SRGAP1: variants seen among roughly 807,000 people sequenced by gnomAD.
The protein encoded by SRGAP1 is SLIT-ROBO Rho GTPase-activating protein 1.
In SRGAP1, 43 loss-of-function variants were observed where a neutral mutation model predicts 121.9. The ratio of observed to expected loss-of-function variants is 0.35; its 90% CI spans 0.28 to 0.46. The LOEUF (loss-of-function observed/expected upper bound fraction) is 0.46. Ranked by LOEUF, SRGAP1 falls within the 20% of genes least tolerant of loss-of-function variation. SRGAP1 has a pLI of 1.00. For missense variants in SRGAP1, 1,102 were observed against 1,350.9 expected, an observed-to-expected ratio of 0.82 and a Z score of 2.89; for synonymous variants, 447 against 485.4, an observed-to-expected ratio of 0.92 and a Z score of 1.04.
At position 64,065,123 on chromosome 12, in the gene SRGAP1, C is replaced by CCAGGTCAGTGCCCAGCAG; in HGVS notation, c.1031_1048dup (p.Gln344_Gln349dup). The CCAGGTCAGTGCCCAGCAG allele has an allele frequency of 6.2e-7, 1 of 1,612,146 alleles. No individual in the cohort carries two copies. The highest frequency in any genetic ancestry group is 8.5e-7 in the Non-Finnish European group (1 of 1,179,452). ...GGTTTCTCATTCTCCATCAGGTGTG[C>CCAGGTCAGTGCCCAGCAG]CAGGTCAGTGCCCAGCAGCCAGTCC... On this transcript the variant is annotated inframe_insertion, in exon 8 of 22. Transcript: ENST00000355086.
At chr12:63,905,250 TAAA>T (rs1565944279) in intron 1 of SRGAP1, among the ~76,000 whole-genome samples, 1 of 152,168 alleles carries the variant, frequency 6.6e-6, no homozygotes, top group Non-Finnish European at 1.5e-5. Flanking sequence ...TGTGTTCAGT[TAAA>T]AAACAAAATG....
Position 64,063,077 on chromosome 12 carries a change from T to A in SRGAP1, c.962T>A (p.Met321Lys), listed in dbSNP as rs2035479102. 3 of 1,614,016 alleles carry A rather than the reference T, an allele frequency of 1.9e-6. No homozygotes were observed. Among genetic ancestry groups the A allele is most frequent in the Admixed American group, 3.3e-5 (2 of 59,996 alleles). ...PRSDKQRFME[M>K]YPAAFCPPMK... ...AGCGATAAGCAGAGATTCATGGAGA[T>A]GTACCCTGCTGCGTTCTGTCCACCA... The change falls in exon 7 of 22, where the codon ATG (methionine) becomes AAG (lysine). Residue 321 changes from methionine to lysine, a missense_variant. Coordinates refer to ENST00000355086, the MANE Select transcript of SRGAP1 (RefSeq NM_020762.4).
chr12:64,053,855 G>A (rs1327252648), intron 6 of SRGAP1, among the ~76,000 whole-genome samples: 1 of 152,148 alleles, frequency 6.6e-6, no homozygotes, highest in East Asian at 1.9e-4. Context: ...GTAATTGAAT[G>A]CTGAGAGTTC....
chr12:63,913,692 T>C (rs2030655069), intron 1 of SRGAP1, among the ~76,000 whole-genome samples: 1 of 151,718 alleles, frequency 6.6e-6, no homozygotes, highest in Non-Finnish European at 1.5e-5. Flanking sequence ...TCTCTAATAT[T>C]TTATTGCAAT....
intron 6 of SRGAP1, among the ~76,000 whole-genome samples, chr12:64,047,385 T>C (rs1247863242): frequency 6.6e-6 from 1 of 152,152 alleles, no homozygotes; most frequent in Non-Finnish European, 1.5e-5. Flanking sequence ...AAGAAACAGG[T>C]AGATTATTAT....
Position 63,848,363 on chromosome 12 carries a change from C to T in SRGAP1, c.67+3480C>T, listed in dbSNP as rs111635172. Among the ~76,000 whole-genome samples, 5 of 152,106 alleles carry T rather than the reference C, an allele frequency of 3.3e-5. 1 individual carries two copies. Among genetic ancestry groups the T allele is most frequent in the African/African-American group, 1.2e-4 (5 of 41,482 alleles). On this transcript the variant is annotated intron_variant, in intron 1 of 21. Transcript: ENST00000355086. ...TGCCTGCACAGGTTTTGGGAACAGA[C>T]TTCATGGGGCTATTCTTAACTGTGA... is the stretch of plus-strand genomic sequence containing the variant.
intron 4 of SRGAP1, among the ~76,000 whole-genome samples, chr12:64,037,778 A>T (rs1326552386): frequency 6.6e-6 from 1 of 152,178 alleles, no homozygotes; most frequent in Non-Finnish European, 1.5e-5. Flanking sequence ...AGAATATCAA[A>T]GGCCCATTTT....
At chr12:63,958,733 C>T (rs2032547590) in intron 1 of SRGAP1, among the ~76,000 whole-genome samples, 1 of 152,106 alleles carries the variant, frequency 6.6e-6, no homozygotes, top group African/African-American at 2.4e-5. Context: ...AAACAAAATC[C>T]CAATGATGAA....
At chr12:64,128,335 C>T in intron 21 of SRGAP1, 135 bp downstream of exon 21, 1 of 901,014 alleles carries the variant, frequency 1.1e-6, no homozygotes, top group Non-Finnish European at 1.6e-6. Flanking sequence ...AAAACAGAAA[C>T]AAAACCAGCT....
rs373227457 is a variant in SRGAP1 at position 64,128,051 on chromosome 12, C to T, written c.2731C>T (p.Arg911Cys). ...CAACAATGACAGTCCTGAGCGGAGG[C>T]GCAGGCCTGGCCATGGCAGCCTGAC... ...GLNNDSPERR[R>C]RPGHGSLTNI... Residue 911 changes from arginine (R) to cysteine (C), a missense_variant, in exon 21 of 22, where the codon CGC (arginine) becomes TGC (cysteine). Around this residue, in one of 3 missense-constraint regions of SRGAP1, gnomAD observed 315 missense variants for 343.1 expected, o/e 0.92. Transcript: ENST00000355086. The T allele has an allele frequency of 3.5e-5, 57 of 1,614,030 alleles. No individual in the cohort carries two copies. Among genetic ancestry groups the T allele is most frequent in the South Asian group, 9.9e-5 (9 of 91,080 alleles).
intron 21 of SRGAP1, among the ~76,000 whole-genome samples, chr12:64,137,263 C>T (rs923182761): frequency 4.8e-5 from 7 of 145,808 alleles, no homozygotes; most frequent in South Asian, 2.2e-4. Flanking sequence ...AGTGAGACTC[C>T]GTCTCAAAAA....
At chr12:64,049,600 A>G (rs561093973) in intron 6 of SRGAP1, among the ~76,000 whole-genome samples, 1 of 152,324 alleles carries the variant, frequency 6.6e-6, no homozygotes, top group East Asian at 1.9e-4. Context: ...TATGGGAACT[A>G]CAATTCAAGA....
At chr12:63,985,819 C>T (rs189014084) in intron 2 of SRGAP1, among the ~76,000 whole-genome samples, 48 of 152,258 alleles carry the variant, frequency 3.2e-4, no homozygotes, top group African/African-American at 9.6e-4. Flanking sequence ...ACAGAAACCC[C>T]TCTACCCACC....
intron 1 of SRGAP1, among the ~76,000 whole-genome samples, chr12:63,856,668 C>T (rs2335884): frequency 0.28 from 43,067 of 152,006 alleles, 7,028 homozygotes; most frequent in East Asian, 0.55. Flanking sequence ...ATTCTTGCAC[C>T]AATACCAATC....
intron 4 of SRGAP1, among the ~76,000 whole-genome samples, chr12:64,039,965 G>C: frequency 6.6e-6 from 1 of 151,958 alleles, no homozygotes; most frequent in East Asian, 1.9e-4. Flanking sequence ...CTCAGAAAAA[G>C]CTGCCAGTGC....
intron 1 of SRGAP1, among the ~76,000 whole-genome samples, chr12:63,932,712 G>T (rs2031522937): frequency 6.6e-6 from 1 of 152,208 alleles, no homozygotes; most frequent in Non-Finnish European, 1.5e-5. Flanking sequence ...CAAGGAAATT[G>T]ATTTTACCAT....
chr12:64,063,307 C>T (rs772394387), intron 7 of SRGAP1, among the ~76,000 whole-genome samples, 169 bp downstream of exon 7: 11 of 152,138 alleles, frequency 7.2e-5, no homozygotes, highest in Non-Finnish European at 1.5e-4. Context: ...TTAAAGCAAA[C>T]GTCAAACACT....
At chr12:64,139,073 C>T (rs929591627) in intron 21 of SRGAP1, among the ~76,000 whole-genome samples, 24 of 152,206 alleles carry the variant, frequency 1.6e-4, no homozygotes, top group African/African-American at 5.1e-4. Flanking sequence ...ATATAAATGT[C>T]TGGAGGACAT....
In SRGAP1 at chr12:64,150,545, AG is replaced by A. The variant is rs2037106356; in HGVS notation, c.*7875del. ...GATTGTGCCAATAAGCCAGGAGAGA[AG>A]GAAACATCTTCAGTGGTCCAGTGGC... On this transcript the variant is annotated 3_prime_UTR_variant, in exon 22 of 22. Transcript: ENST00000355086. 6.6e-6 allele frequency: 1 copy of A among 152,144 alleles called. No individual in the cohort carries two copies. The highest frequency in any genetic ancestry group is 1.5e-5 in the Non-Finnish European group (1 of 68,022). 9.4% of individuals were successfully genotyped at this position (152,144 alleles called of 1,614,324 possible). A position where few individuals can be genotyped will look rare whatever the true frequency, so the allele number is the denominator to read the frequency against.
Sources: gnomAD v4.1 joint callset for allele counts (sites outside exome capture counted in the v4.1 genomes callset) on GRCh38, gnomAD v4.1.1 for gene constraint, gnomAD v4.1.1 regional missense constraint, MANE v1.5 for transcripts, NCBI Gene and HGNC (gene_info 2026-07-23, HGNC 2026-07-21) for gene names.